Variants in ME1 observed in about 807,000 individuals in gnomAD.
ME1 encodes malic enzyme 1, also known as NADP-dependent malic enzyme.
A neutral mutation model predicts 66.4 loss-of-function variants in ME1; 74 were observed. The observed-to-expected ratio is 1.11, with a 90% CI of 0.92 to 1.35. ME1 has a LOEUF of 1.35. ME1 is among the 40% of genes most tolerant of loss of function. The pLI is 0.00. For missense variants in ME1, 750 were observed against 694.1 expected (o/e 1.08, Z -0.90); for synonymous variants, 251 against 235.6 (o/e 1.07, Z -0.60).
chr6:83,420,535 T>C (rs921338221), intron 1 of ME1, among the ~76,000 whole-genome samples: 10 of 152,322 alleles, frequency 6.6e-5, no homozygotes, highest in African/African-American at 2.4e-4. Flanking sequence ...TTTTGCTTTT[T>C]TGTTATATGT....
chr6:83,394,391 G>A (rs1462700794), intron 3 of ME1, among the ~76,000 whole-genome samples: 1 of 152,064 alleles, frequency 6.6e-6, no homozygotes, highest in East Asian at 1.9e-4. Context: ...CAAATTATAT[G>A]AATGTATTAA....
chr6:83,233,070 G>A (rs1790334366), intron 9 of ME1, among the ~76,000 whole-genome samples: 1 of 152,020 alleles, frequency 6.6e-6, no homozygotes, highest in Non-Finnish European at 1.5e-5. Context: ...ATTAGTGAGA[G>A]CGAAAATATA....
intron 5 of ME1, among the ~76,000 whole-genome samples, chr6:83,316,372 A>T (rs1768029374): frequency 1.3e-5 from 2 of 152,180 alleles, no homozygotes; most frequent in Non-Finnish European, 2.9e-5. Flanking sequence ...AATATAACAT[A>T]CCCATTCATA....
At chr6:83,346,895 C>G (rs902717787) in intron 4 of ME1, among the ~76,000 whole-genome samples, 1 of 152,102 alleles carries the variant, frequency 6.6e-6, no homozygotes, top group African/African-American at 2.4e-5. Context: ...AAATTTTCCA[C>G]TAGACTTAAT....
intron 4 of ME1, among the ~76,000 whole-genome samples, chr6:83,347,747 T>C (rs1468669534): frequency 6.6e-6 from 1 of 152,188 alleles, no homozygotes; most frequent in Non-Finnish European, 1.5e-5. Flanking sequence ...TTATAGCTAT[T>C]ATTACTATTA....
chr6:83,256,618 T>A (rs535992846), intron 6 of ME1, among the ~76,000 whole-genome samples: 1 of 152,216 alleles, frequency 6.6e-6, no homozygotes, highest in African/African-American at 2.4e-5. Context: ...TCAACCATGG[T>A]GGAAAACAGT....
At chr6:83,386,690 CTGAA>C (rs1769509417) in intron 3 of ME1, among the ~76,000 whole-genome samples, 1 of 151,972 alleles carries the variant, frequency 6.6e-6, no homozygotes, top group Non-Finnish European at 1.5e-5. Context: ...CTGCAACAGA[CTGAA>C]TGTGTCCCCC....
At chr6:83,383,705 A>AT (rs1769450910) in intron 3 of ME1, among the ~76,000 whole-genome samples, 1 of 151,840 alleles carries the variant, frequency 6.6e-6, no homozygotes, top group Non-Finnish European at 1.5e-5. Flanking sequence ...AGGCAGCACT[A>AT]TTTTTGTAAA....
chr6:83,256,437 A>G (rs941839563), intron 6 of ME1, among the ~76,000 whole-genome samples: 3 of 152,236 alleles, frequency 2.0e-5, no homozygotes, highest in Admixed American at 2.0e-4. Flanking sequence ...ACATATGAAA[A>G]AAAAGCTCAT....
chr6:83,228,521 C>A (rs1790240380), intron 10 of ME1, among the ~76,000 whole-genome samples: 1 of 152,036 alleles, frequency 6.6e-6, no homozygotes, highest in Non-Finnish European at 1.5e-5. Context: ...TCCTGCAGGG[C>A]AAAAATCCCT....
At chr6:83,378,499 C>A (rs1281871126) in intron 3 of ME1, among the ~76,000 whole-genome samples, 2 of 151,876 alleles carry the variant, frequency 1.3e-5, no homozygotes, top group African/African-American at 4.8e-5. Context: ...AAACTAGATA[C>A]AATGAAAGTT....
rs1035031895 is a variant in ME1, at chr6:83,330,573, G to A, written c.601-15160C>T. On this transcript the variant is annotated intron_variant, in intron 5 of 13. Coordinates refer to ENST00000369705, the MANE Select transcript of ME1 (RefSeq NM_002395.6). ...AGAACTTGTATTATTAAGTTATTTC[G>A]AACTTGTATTATTAAGTTAAAATAA... 7.9e-5 allele frequency among the ~76,000 whole-genome samples: 12 copies of A among 152,056 alleles called. No individual in the cohort carries two copies. In the East Asian group the frequency reaches 1.2e-3, roughly 15 times the overall value.
rs1583364282 is a variant in ME1 at position 83,297,384 on chromosome 6, C to T, written c.704+17926G>A. ...AATATCATTAAAATGGCCGTACTGC[C>T]CAAAGCAATTTAGAAATTAAATGTT... On this transcript the variant is annotated intron_variant, in intron 6 of 13. Transcript: ENST00000369705. Among the ~76,000 whole-genome samples the T allele has an allele frequency of 2.0e-5, 3 of 152,194 alleles. No homozygotes were observed. In the South Asian group the frequency reaches 6.2e-4, roughly 32 times the overall value.
rs768605735 is a variant in ME1 at position 83,315,302 on chromosome 6, AT to A, written c.704+7del. 7.4e-5 allele frequency: 114 copies of A among 1,534,832 alleles called. No individual in the cohort carries two copies. The highest frequency in any genetic ancestry group is 9.3e-5 in the Non-Finnish European group (104 of 1,112,758). ...TGACTAAAATATAGGTTAAATAAAGATACATACTTGGAAGAAACTGCCTCCA... is the reference window on the plus strand; with the variant it reads ...TGACTAAAATATAGGTTAAATAAAGAACATACTTGGAAGAAACTGCCTCCA... On this transcript the variant is annotated splice_region_variant and intron_variant, in intron 6 of 13. Coordinates refer to ENST00000369705, the MANE Select transcript of ME1 (RefSeq NM_002395.6).
At chr6:83,426,357 TG>T (rs553939788) in intron 1 of ME1, among the ~76,000 whole-genome samples, 4 of 152,244 alleles carry the variant, frequency 2.6e-5, no homozygotes, top group Non-Finnish European at 5.9e-5. Context: ...GCACACATTT[TG>T]TTATTGTGAT....
At chr6:83,357,899 T>TCCCC (rs1365576040) in intron 3 of ME1, among the ~76,000 whole-genome samples, 11 of 62,216 alleles carry the variant, frequency 1.8e-4, no homozygotes, top group Admixed American at 1.2e-3. Context: ...CTTAATAAAC[T>TCCCC]CCCCTCTCTC....
At chr6:83,410,448 C>T (rs1266857737) in intron 1 of ME1, among the ~76,000 whole-genome samples, 2 of 152,088 alleles carry the variant, frequency 1.3e-5, no homozygotes, top group Non-Finnish European at 2.9e-5. Context: ...GGAAGACAAA[C>T]TTCACTTGTT....
chr6:83,392,888 G>A lies in ME1; in HGVS notation c.362+5479C>T, dbSNP rs571422820. 3.5e-5 allele frequency: 28 copies of A among 792,070 alleles called. 1 individual carries two copies. The highest frequency in any genetic ancestry group is 3.0e-4 in the East Asian group (12 of 39,994). 49.1% of individuals were successfully genotyped at this position (792,070 alleles called of 1,614,324 possible). ...CCTCCTGCACCACCAGCTGCTTAAC[G>A]CCCCTGGCCAAGGTCATCCATGACA... On this transcript the variant is annotated intron_variant, in intron 3 of 13. Transcript: ENST00000369705.
intron 11 of ME1, among the ~76,000 whole-genome samples, chr6:83,224,562 T>G (rs138842668): frequency 7.9e-5 from 12 of 150,944 alleles, no homozygotes; most frequent in African/African-American, 2.9e-4. Flanking sequence ...TGGGTGCCTG[T>G]AAGCCCAGCT....
Sources: gnomAD v4.1 joint callset for allele counts (sites outside exome capture counted in the v4.1 genomes callset) on GRCh38, gnomAD v4.1.1 for gene constraint, MANE v1.5 for transcripts, NCBI Gene and HGNC (gene_info 2026-07-23, HGNC 2026-07-21) for gene names.